The following PDE7A variants were observed in gnomAD, a reference collection of about 807,000 sequenced individuals.
The protein encoded by PDE7A is phosphodiesterase 7A.
Under a neutral mutation model 64.3 loss-of-function variants are expected in PDE7A, and 39 were observed. The observed-to-expected ratio is 0.61, with a 90% CI of 0.47 to 0.79. The LOEUF (loss-of-function observed/expected upper bound fraction) is 0.79. PDE7A is among the 30% of genes least tolerant of loss of function. The pLI is 0.00. For synonymous variants in PDE7A, 203 were observed against 206.8 expected (o/e 0.98, Z 0.16); for missense variants, 470 against 582.8 (o/e 0.81, Z 1.99).
chr8:65,819,188 G>A (rs985501729), intron 1 of PDE7A, among the ~76,000 whole-genome samples: 5 of 152,220 alleles, frequency 3.3e-5, no homozygotes, highest in African/African-American at 9.6e-5. Flanking sequence ...GAGGCCAGGA[G>A]TTCAAGACCA....
intron 7 of PDE7A, chr8:65,727,994 A>G (rs906180070): frequency 5.9e-5 from 9 of 152,230 alleles, no homozygotes; most frequent in African/African-American, 2.2e-4. Context: ...TTAGCTGACA[A>G]ATGTTCAATG....
At chr8:65,747,615 C>T (rs1208386846) in intron 4 of PDE7A, 37 bp downstream of exon 4, 1 of 1,417,710 alleles carries the variant, frequency 7.1e-7, no homozygotes, top group Non-Finnish European at 9.8e-7. Context: ...GTAAACTTAT[C>T]AAAAAATTAA....
intron 7 of PDE7A, among the ~76,000 whole-genome samples, chr8:65,730,206 G>A (rs1806814256): frequency 2.3e-5 from 2 of 87,438 alleles, no homozygotes; most frequent in East Asian, 3.5e-4. Context: ...TTGAGATGGA[G>A]TTTCGCTCTT....
chr8:65,724,365 C>CAAT lies in PDE7A; in HGVS notation c.1066-15_1066-14insATT. 2 of 1,580,370 alleles carry CAAT rather than the reference C, an allele frequency of 1.3e-6. No homozygotes were observed. The highest frequency in any genetic ancestry group is 1.7e-6 in the Non-Finnish European group (2 of 1,150,322). ...TTTCAAAGCCATCTAGCAAACAAAA[C>CAAT]ATTAATATTGTTTTAAGATATATAC... On this transcript the variant is annotated splice_polypyrimidine_tract_variant and intron_variant, in intron 10 of 12. Coordinates refer to ENST00000401827, the MANE Select transcript of PDE7A (RefSeq NM_001242318.3).
chr8:65,766,602 G>C (rs1808798604), intron 3 of PDE7A, among the ~76,000 whole-genome samples: 1 of 152,226 alleles, frequency 6.6e-6, no homozygotes, highest in Non-Finnish European at 1.5e-5. Flanking sequence ...GGTCAGCCCA[G>C]CATTGACGTC....
chr8:65,793,484 TAA>T (rs11339152), intron 1 of PDE7A, among the ~76,000 whole-genome samples: 15,363 of 137,766 alleles, frequency 0.11, 999 homozygotes, highest in African/African-American at 0.18. Flanking sequence ...TAAAGTTTCC[TAA>T]AAAAAAAAAA....
intron 6 of PDE7A, among the ~76,000 whole-genome samples, chr8:65,735,512 T>TGTTGCCCAGGCTGGTTTC (rs1563477330): frequency 6.6e-6 from 1 of 152,016 alleles, no homozygotes; most frequent in East Asian, 1.9e-4. Context: ...GATCTTGCCA[T>TGTTGCCCAGGCTGGTTTC]GTTGCCCAGG....
intron 9 of PDE7A, chr8:65,725,672 T>C (rs991341464): frequency 1.3e-5 from 2 of 152,086 alleles, no homozygotes; most frequent in Non-Finnish European, 1.5e-5. Flanking sequence ...AGCTGTCAAA[T>C]AGATAAAAAG....
At chr8:65,821,298 T>C (rs1585945909) in intron 1 of PDE7A, among the ~76,000 whole-genome samples, 1 of 152,214 alleles carries the variant, frequency 6.6e-6, no homozygotes, top group Non-Finnish European at 1.5e-5. Context: ...AACCTAAAAA[T>C]CTGTCTAAAG....
intron 3 of PDE7A, among the ~76,000 whole-genome samples, chr8:65,748,229 G>A (rs181987541): frequency 9.2e-5 from 14 of 152,148 alleles, no homozygotes; most frequent in Admixed American, 9.2e-4. Flanking sequence ...AGTTACATAT[G>A]AGATTTTAAC....
intron 8 of PDE7A, 31 bp downstream of exon 8, chr8:65,727,139 T>C (rs762633543): frequency 7.6e-7 from 1 of 1,321,588 alleles, no homozygotes; most frequent in Non-Finnish European, 1.1e-6. Context: ...AATGCAAAAA[T>C]AATAAATCTT....
intron 1 of PDE7A, among the ~76,000 whole-genome samples, chr8:65,819,059 T>C (rs1020104012): frequency 1.3e-5 from 2 of 152,212 alleles, no homozygotes; most frequent in Non-Finnish European, 2.9e-5. Context: ...TTTATACAAT[T>C]GGCCTTTAGT....
At chr8:65,825,121 TA>T (rs1374220836) in intron 1 of PDE7A, among the ~76,000 whole-genome samples, 14 of 152,158 alleles carry the variant, frequency 9.2e-5, no homozygotes, top group Non-Finnish European at 1.9e-4. Flanking sequence ...TATTTTTACA[TA>T]AAAAATACTT....
intron 1 of PDE7A, among the ~76,000 whole-genome samples, chr8:65,836,554 T>C: frequency 6.6e-6 from 1 of 152,226 alleles, no homozygotes; most frequent in East Asian, 1.9e-4. Flanking sequence ...TTTTAAAGAC[T>C]TTATCAAGCA....
chr8:65,839,261 T>C (rs894225985), intron 1 of PDE7A, among the ~76,000 whole-genome samples: 1 of 151,988 alleles, frequency 6.6e-6, no homozygotes, highest in Non-Finnish European at 1.5e-5. Flanking sequence ...TATCTTAAAA[T>C]TACAAAACCA....
chr8:65,763,565 CA>C (rs10706103), intron 3 of PDE7A, among the ~76,000 whole-genome samples: 59,892 of 147,150 alleles, frequency 0.41, 15,843 homozygotes, highest in African/African-American at 0.77. Flanking sequence ...AACTCCGTCT[CA>C]AAAAAAAAAA....
Position 65,719,286 on chromosome 8 carries a change from G to C in PDE7A, c.*4C>G, listed in dbSNP as rs774975473. 1.1e-5 allele frequency: 17 copies of C among 1,607,284 alleles called. 1 individual carries two copies. Among genetic ancestry groups the C allele is most frequent in the Non-Finnish European group, 9.4e-6 (11 of 1,173,902 alleles). On this transcript the variant is annotated 3_prime_UTR_variant, in exon 13 of 13. Coordinates refer to ENST00000401827, the MANE Select transcript of PDE7A (RefSeq NM_001242318.3). ...GAGGCAGTTTGTCCCACTGGTTCTG[G>C]GGGTTATGATAACCGATTTTCCTGA... is the stretch of plus-strand genomic sequence containing the variant.
chr8:65,778,689 C>A (rs1237759828), intron 3 of PDE7A, among the ~76,000 whole-genome samples: 2 of 152,346 alleles, frequency 1.3e-5, no homozygotes, highest in East Asian at 1.9e-4. Flanking sequence ...CTCAAGAATA[C>A]AAAGCCCTGA....
At chr8:65,769,028 A>G (rs1808939339) in intron 3 of PDE7A, among the ~76,000 whole-genome samples, 1 of 152,094 alleles carries the variant, frequency 6.6e-6, no homozygotes, top group South Asian at 2.1e-4. Flanking sequence ...TAGGCAGATC[A>G]CTTGAGGTCA....
Sources: allele counts gnomAD v4.1 joint callset (sites outside exome capture counted in the v4.1 genomes callset), GRCh38; gene constraint gnomAD v4.1.1; transcripts MANE v1.5; gene names NCBI Gene and HGNC (gene_info 2026-07-23, HGNC 2026-07-21).